The following U2SURP variants were observed in gnomAD, a reference collection of about 807,000 sequenced individuals.
U2SURP encodes U2 snRNP associated SURP domain containing.
In U2SURP, 9 loss-of-function variants were observed where a neutral mutation model predicts 144.9. That is an observed-to-expected ratio of 0.06 (90% CI 0.04 to 0.11). U2SURP has a LOEUF of 0.11. Among genes scored for constraint, U2SURP ranks in the 10% least tolerant of loss-of-function variants. The pLI, the probability that U2SURP is intolerant of heterozygous loss-of-function variation, is 1.00. For synonymous variants in U2SURP, 408 were observed against 396.8 expected (o/e 1.03, Z -0.33); for missense variants, 724 against 1,226.7 (o/e 0.59, Z 6.12).
chr3:143,039,688 CTTCTA>C (rs1367946793), intron 23 of U2SURP, among the ~76,000 whole-genome samples: 1 of 145,528 alleles, frequency 6.9e-6, no homozygotes, highest in Admixed American at 7.0e-5. Context: ...ATTTTGCGTT[CTTCTA>C]TTCTCCAATG....
At chr3:143,049,943 G>A (rs1256207506) in intron 24 of U2SURP, among the ~76,000 whole-genome samples, 2 of 152,158 alleles carry the variant, frequency 1.3e-5, no homozygotes, top group Admixed American at 6.5e-5. Flanking sequence ...TTGTGTGGAG[G>A]TGTATTAGCC....
At chr3:143,041,421 C>T (rs1371811066) in intron 23 of U2SURP, among the ~76,000 whole-genome samples, 1 of 151,776 alleles carries the variant, frequency 6.6e-6, no homozygotes, top group Non-Finnish European at 1.5e-5. Flanking sequence ...CTTTTTTCTT[C>T]CTTAGCTAAT....
chr3:143,002,176 G>A (rs1935568971), intron 1 of U2SURP: 1 of 201,808 alleles, frequency 5.0e-6, no homozygotes, highest in Admixed American at 6.1e-5. Flanking sequence ...CTAGGGCAAA[G>A]ACACGGAGTG....
chr3:143,023,912 T>A, intron 12 of U2SURP, 63 bp from the exon 13 acceptor site: 1 of 1,507,712 alleles, frequency 6.6e-7, no homozygotes, highest in South Asian at 1.1e-5. Context: ...ATATTTTTGC[T>A]TGTTACTTGT....
Position 143,014,043 on chromosome 3 carries a change from CTCT to C in U2SURP, c.223-264_223-262del, listed in dbSNP as rs535807401. 1.7e-4 allele frequency among the ~76,000 whole-genome samples: 23 copies of C among 137,636 alleles called. No homozygotes were observed. The South Asian group carries it at 5.0e-3, about 30-fold the overall frequency. 90.3% of individuals were successfully genotyped at this position (137,636 alleles called of 152,430 possible). A position where few individuals can be genotyped will look rare whatever the true frequency, so the allele number is the denominator to read the frequency against. On this transcript the variant is annotated intron_variant, in intron 3 of 27. Coordinates refer to ENST00000473835, the MANE Select transcript of U2SURP (RefSeq NM_001080415.2). ...TCTTGTTCTAAGCATTAGTGTCAGT[CTCT>C]TCTATTTTTACCTTTTTTTTTTAAC...
chr3:143,004,825 C>T (rs967473536), intron 1 of U2SURP, among the ~76,000 whole-genome samples: 8 of 151,972 alleles, frequency 5.3e-5, no homozygotes, highest in Non-Finnish European at 8.8e-5. Flanking sequence ...TAAAATTTTC[C>T]TGTGCATTTG....
chr3:143,038,052 A>T, intron 21 of U2SURP, 56 bp from the exon 22 acceptor site: 1 of 1,285,636 alleles, frequency 7.8e-7, no homozygotes, highest in Non-Finnish European at 1.1e-6. Context: ...CCATGAATGT[A>T]ATACTTCGGG....
At chr3:143,022,692 A>G (rs1284151688) in intron 11 of U2SURP, 30 bp downstream of exon 11, 2 of 1,579,218 alleles carry the variant, frequency 1.3e-6, no homozygotes, top group Admixed American at 1.9e-5. Flanking sequence ...CCATTTATAC[A>G]ATTCAGATAT....
At chr3:143,023,680 A>G (rs1560185798) in intron 12 of U2SURP, among the ~76,000 whole-genome samples, 1 of 152,212 alleles carries the variant, frequency 6.6e-6, no homozygotes, top group Non-Finnish European at 1.5e-5. Context: ...ATTATTTCAC[A>G]AATTAAAATC....
intron 23 of U2SURP, 38 bp downstream of exon 23, chr3:143,038,998 A>C (rs537669390): frequency 7.6e-7 from 1 of 1,311,330 alleles, no homozygotes; most frequent in African/African-American, 1.5e-5. Flanking sequence ...TTTCTTGTTC[A>C]TATACACTCC....
At chr3:143,012,779 A>C (rs1328145877) in intron 3 of U2SURP, among the ~76,000 whole-genome samples, 2 of 152,142 alleles carry the variant, frequency 1.3e-5, no homozygotes, top group Non-Finnish European at 2.9e-5. Flanking sequence ...TAATGAGTGC[A>C]GTGCCCAGGG....
intron 6 of U2SURP, 198 bp downstream of exon 6, chr3:143,017,173 T>C: frequency 4.6e-6 from 2 of 431,720 alleles, no homozygotes; most frequent in Non-Finnish European, 8.1e-6. Flanking sequence ...ATATTCTTTT[T>C]ATGCTTTTTG....
rs759548949 is a variant in U2SURP, at chr3:143,037,344, A to G, written c.2221+9A>G. The G allele has an allele frequency of 1.2e-6, 2 of 1,609,586 alleles. No individual in the cohort carries two copies. Among genetic ancestry groups the G allele is most frequent in the Non-Finnish European group, 1.7e-6 (2 of 1,177,586 alleles). On this transcript the variant is annotated intron_variant, in intron 21 of 27. Transcript: ENST00000473835. ...TCTTGATGGAGTGCCTTGTAAGTTC[A>G]GATTTCAAACTGATTAAATCTAGCT...
At chr3:143,052,838 A>G (rs1934955917) in intron 25 of U2SURP, among the ~76,000 whole-genome samples, 1 of 152,194 alleles carries the variant, frequency 6.6e-6, no homozygotes, top group Non-Finnish European at 1.5e-5. Flanking sequence ...GTGAAGAACT[A>G]AGTTAGTTGT....
rs1935237708 is a variant in U2SURP, at chr3:143,058,228, G to T, written c.*1778G>T. The T allele has an allele frequency of 6.6e-6, 1 of 151,948 alleles. No homozygotes were observed. Among genetic ancestry groups the T allele is most frequent in the Non-Finnish European group, 1.5e-5 (1 of 67,802 alleles). The allele number at this position is 151,948 out of a possible 1,614,324, so 9.4% of individuals were successfully genotyped here. A position where few individuals can be genotyped will look rare whatever the true frequency, so the allele number is the denominator to read the frequency against. On this transcript the variant is annotated 3_prime_UTR_variant, in exon 28 of 28. Coordinates refer to ENST00000473835, the MANE Select transcript of U2SURP (RefSeq NM_001080415.2). ...TCGTGTCGAGTTGGTGGTGATTTTGGCATTCCATCTTGCACTGGTTTCTAG... is the reference window on the plus strand; with the variant it reads ...TCGTGTCGAGTTGGTGGTGATTTTGTCATTCCATCTTGCACTGGTTTCTAG...
intron 1 of U2SURP, among the ~76,000 whole-genome samples, chr3:143,002,030 G>A (rs2108261185): frequency 6.6e-6 from 1 of 152,348 alleles, no homozygotes; most frequent in South Asian, 2.1e-4. Context: ...CTGGGAGAGA[G>A]GCGGGAATCG....
intron 19 of U2SURP, 143 bp from the exon 20 acceptor site, chr3:143,035,839 G>T: frequency 2.6e-6 from 2 of 768,574 alleles, no homozygotes; most frequent in Non-Finnish European, 3.8e-6. Flanking sequence ...ATATGGTAAT[G>T]ATATATAGTT....
intron 1 of U2SURP, among the ~76,000 whole-genome samples, chr3:143,009,246 C>T (rs1054133599): frequency 1.3e-5 from 2 of 151,796 alleles, no homozygotes; most frequent in East Asian, 1.9e-4. Flanking sequence ...AAAGATTAGC[C>T]GCTAGAAGAA....
chr3:143,007,730 A>G (rs891403591), intron 1 of U2SURP, among the ~76,000 whole-genome samples: 2 of 152,226 alleles, frequency 1.3e-5, no homozygotes, highest in South Asian at 2.1e-4. Flanking sequence ...GGCGTGAGCC[A>G]CCGCGCCCGG....
Sources: allele counts gnomAD v4.1 joint callset (sites outside exome capture counted in the v4.1 genomes callset), GRCh38; gene constraint gnomAD v4.1.1; transcripts MANE v1.5; gene names NCBI Gene and HGNC (gene_info 2026-07-23, HGNC 2026-07-21).